DOK6: variants seen among roughly 807,000 people sequenced by gnomAD.
The protein encoded by DOK6 is docking protein 6.
In DOK6, 22 loss-of-function variants were observed where a neutral mutation model predicts 44.0. That is an observed-to-expected ratio of 0.50 (90% CI 0.36 to 0.71). DOK6 has a LOEUF of 0.71. Among genes scored for constraint, DOK6 ranks in the 30% least tolerant of loss-of-function variants. The pLI is 0.00. For missense variants in DOK6, 340 were observed against 416.4 expected, an observed-to-expected ratio of 0.82 and a Z score of 1.60; for synonymous variants, 166 against 145.5, an observed-to-expected ratio of 1.14 and a Z score of -1.01.
At chr18:69,449,083 G>A (rs1042058316) in intron 1 of DOK6, among the ~76,000 whole-genome samples, 1 of 152,148 alleles carries the variant, frequency 6.6e-6, no homozygotes, top group Admixed American at 6.5e-5. Context: ...GAGATCTTTC[G>A]CTCTCTTTAG....
chr18:69,725,511 A>C (rs542201112), intron 5 of DOK6, among the ~76,000 whole-genome samples: 37 of 152,324 alleles, frequency 2.4e-4, no homozygotes, highest in African/African-American at 8.9e-4. Flanking sequence ...TTATTGAGAC[A>C]GTGTCTCACT....
intron 2 of DOK6, among the ~76,000 whole-genome samples, chr18:69,583,833 G>A (rs970483188): frequency 1.3e-5 from 2 of 151,950 alleles, no homozygotes; most frequent in Non-Finnish European, 2.9e-5. Flanking sequence ...TTTGGGCTGG[G>A]CGAGGTGGCT....
intron 6 of DOK6, among the ~76,000 whole-genome samples, chr18:69,747,309 T>C (rs1369235618): frequency 6.6e-6 from 1 of 152,138 alleles, no homozygotes; most frequent in East Asian, 1.9e-4. Context: ...CAGTTAACAG[T>C]TTTTTTATAC....
At chr18:69,509,593 G>C (rs1044186359) in intron 1 of DOK6, among the ~76,000 whole-genome samples, 1 of 141,944 alleles carries the variant, frequency 7.0e-6, no homozygotes, top group Admixed American at 7.6e-5. Flanking sequence ...AGCCGAGATC[G>C]CGCCGCTGCA....
chr18:69,725,971 C>T (rs963404127), intron 5 of DOK6, among the ~76,000 whole-genome samples: 1 of 152,154 alleles, frequency 6.6e-6, no homozygotes, highest in African/African-American at 2.4e-5. Context: ...GAACTTCTCT[C>T]GCTGGTGGTT....
At position 69,700,216 on chromosome 18, in the gene DOK6, C is replaced by CATATATATATATATATATATATGTGTAT. The variant is rs61078235; in HGVS notation, c.599+1641_599+1642insATATGTGTATATATATATATATATATAT. Among the ~76,000 whole-genome samples, 2 of 124,762 alleles carry CATATATATATATATATATATATGTGTAT rather than the reference C, an allele frequency of 1.6e-5. 1 individual carries two copies. The highest frequency in any genetic ancestry group is 6.0e-5 in the African/African-American group (2 of 33,390). The allele number at this position is 124,762 out of a possible 152,430, so 81.8% of individuals were successfully genotyped here. A position where few individuals can be genotyped will look rare whatever the true frequency, so the allele number is the denominator to read the frequency against. ...TATCAGTTAGTTTTACATATATATA[C>CATATATATATATATATATATATGTGTAT]ATATATATATATATATATGAATTGA... On this transcript the variant is annotated intron_variant, in intron 5 of 7. Coordinates refer to ENST00000382713, the MANE Select transcript of DOK6 (RefSeq NM_152721.6).
At chr18:69,736,245 T>C (rs112651108) in intron 5 of DOK6, among the ~76,000 whole-genome samples, 39 of 152,294 alleles carry the variant, frequency 2.6e-4, no homozygotes, top group African/African-American at 7.7e-4. Flanking sequence ...GGCTAGAGCA[T>C]TGTGGTTGAA....
At chr18:69,508,020 T>G (rs759435711) in intron 1 of DOK6, among the ~76,000 whole-genome samples, 6 of 152,222 alleles carry the variant, frequency 3.9e-5, no homozygotes, top group Non-Finnish European at 8.8e-5. Flanking sequence ...AGAGGCTATA[T>G]GTCAGATTGA....
chr18:69,840,837 C>A (rs963232865), intron 7 of DOK6, among the ~76,000 whole-genome samples: 1 of 152,184 alleles, frequency 6.6e-6, no homozygotes, highest in Admixed American at 6.5e-5. Context: ...CTTTTATATG[C>A]TGAAATTGAG....
chr18:69,830,623 T>C lies in DOK6; in HGVS notation c.857-10621T>C, dbSNP rs374164455. 7.3e-4 allele frequency among the ~76,000 whole-genome samples: 111 copies of C among 152,336 alleles called. 1 individual carries two copies. In the South Asian group the frequency reaches 0.023, roughly 31 times the overall value. On this transcript the variant is annotated intron_variant, in intron 7 of 7. Coordinates refer to ENST00000382713, the MANE Select transcript of DOK6 (RefSeq NM_152721.6). ...AAGCTACCCAGTCTGTGGCATTTTATTATGGCAGCCCCAGCAGACTAAGAC... is the reference window on the plus strand; with the variant it reads ...AAGCTACCCAGTCTGTGGCATTTTACTATGGCAGCCCCAGCAGACTAAGAC...
At chr18:69,612,198 CT>C in intron 3 of DOK6, among the ~76,000 whole-genome samples, 1 of 123,060 alleles carries the variant, frequency 8.1e-6, no homozygotes, top group Non-Finnish European at 1.7e-5. Flanking sequence ...TTAAGGTTGT[CT>C]ATAGTGTATA....
At chr18:69,488,830 A>G (rs1464062711) in intron 1 of DOK6, among the ~76,000 whole-genome samples, 2 of 152,198 alleles carry the variant, frequency 1.3e-5, no homozygotes, top group Non-Finnish European at 2.9e-5. Context: ...CCATATCATC[A>G]TGATTCACTT....
intron 3 of DOK6, among the ~76,000 whole-genome samples, chr18:69,671,999 A>G (rs1180846380): frequency 2.6e-5 from 4 of 152,166 alleles, no homozygotes; most frequent in African/African-American, 7.2e-5. Context: ...AACCAATCTC[A>G]TCTGATATTT....
At chr18:69,772,219 T>C (rs531632003) in intron 7 of DOK6, among the ~76,000 whole-genome samples, 22 of 151,794 alleles carry the variant, frequency 1.4e-4, no homozygotes, top group Admixed American at 7.9e-4. Context: ...GTAAAATAGA[T>C]ACAAATAAGT....
At chr18:69,495,788 G>A (rs965817018) in intron 1 of DOK6, among the ~76,000 whole-genome samples, 23 of 152,170 alleles carry the variant, frequency 1.5e-4, no homozygotes, top group Non-Finnish European at 3.1e-4. Context: ...TGAACTACCT[G>A]CAACACCCCC....
chr18:69,574,281 A>T (rs73453833), intron 2 of DOK6, among the ~76,000 whole-genome samples: 2 of 152,030 alleles, frequency 1.3e-5, no homozygotes, highest in Non-Finnish European at 2.9e-5. Context: ...AAGTTTCTAC[A>T]TATAAAAATT....
At chr18:69,668,875 AATT>A (rs759885089) in intron 3 of DOK6, among the ~76,000 whole-genome samples, 30 of 152,340 alleles carry the variant, frequency 2.0e-4, no homozygotes, top group Non-Finnish European at 3.8e-4. Context: ...CAGAGTTTGT[AATT>A]AAAAGTACTT....
intron 1 of DOK6, among the ~76,000 whole-genome samples, chr18:69,442,774 A>C (rs958743909): frequency 6.8e-6 from 1 of 147,236 alleles, no homozygotes; most frequent in Non-Finnish European, 1.5e-5. Flanking sequence ...GTCTTATACT[A>C]TACTTATATA....
chr18:69,494,513 A>G (rs965734980), intron 1 of DOK6, among the ~76,000 whole-genome samples: 2 of 152,132 alleles, frequency 1.3e-5, no homozygotes, highest in African/African-American at 4.8e-5. Flanking sequence ...TTACTACATA[A>G]TAGCTTATGT....
Sources: allele counts gnomAD v4.1 joint callset (sites outside exome capture counted in the v4.1 genomes callset), GRCh38; gene constraint gnomAD v4.1.1; transcripts MANE v1.5; gene names NCBI Gene and HGNC (gene_info 2026-07-23, HGNC 2026-07-21).